The following NCOA3 variants were observed in gnomAD, a reference collection of about 807,000 sequenced individuals.
NCOA3 encodes CBP-interacting protein.
Under a neutral mutation model 158.8 loss-of-function variants are expected in NCOA3, and 51 were observed. That is an observed-to-expected ratio of 0.32 (90% CI 0.26 to 0.41). The LOEUF (loss-of-function observed/expected upper bound fraction) is 0.41, where lower values mean the gene tolerates loss of function less well. Ranked by LOEUF, NCOA3 falls within the 10% of genes least tolerant of loss-of-function variation. The probability of loss-of-function intolerance (pLI) is 1.00; values close to 1 mark genes in which losing one functional copy is unlikely to be tolerated. For missense variants in NCOA3, 1,510 were observed against 1,746.6 expected, an observed-to-expected ratio of 0.86 and a Z score of 2.41; for synonymous variants, 537 against 592.4, an observed-to-expected ratio of 0.91 and a Z score of 1.36.
At chr20:47,561,519 A>G (rs746045288) in intron 1 of NCOA3, among the ~76,000 whole-genome samples, 17 of 149,124 alleles carry the variant, frequency 1.1e-4, no homozygotes, top group Non-Finnish European at 2.4e-4. Context: ...GGATCTTGCT[A>G]TGTTGCCTGG....
At chr20:47,584,402 C>T (rs558186992) in intron 2 of NCOA3, among the ~76,000 whole-genome samples, 1 of 151,980 alleles carries the variant, frequency 6.6e-6, no homozygotes, top group Non-Finnish European at 1.5e-5. Flanking sequence ...GGTGGATCAC[C>T]TGAGGTTAGG....
At chr20:47,514,443 A>G (rs2084198224) in intron 1 of NCOA3, among the ~76,000 whole-genome samples, 1 of 152,092 alleles carries the variant, frequency 6.6e-6, no homozygotes, top group Non-Finnish European at 1.5e-5. Flanking sequence ...GCTGCAGTGC[A>G]GTGGTACAAT....
intron 8 of NCOA3, among the ~76,000 whole-genome samples, chr20:47,632,323 T>A (rs546124140): frequency 1.1e-3 from 169 of 152,090 alleles, no homozygotes; most frequent in Non-Finnish European, 1.8e-3. Context: ...GCTTATAGCC[T>A]TCCCAGCACC....
intron 2 of NCOA3, among the ~76,000 whole-genome samples, chr20:47,621,942 G>T (rs2086247967): frequency 1.3e-5 from 2 of 152,094 alleles, no homozygotes. Context: ...CTCCCAAAGT[G>T]CTGGGACTAC....
intron 1 of NCOA3, among the ~76,000 whole-genome samples, chr20:47,518,420 G>GTT (rs35593021): frequency 0.26 from 34,453 of 132,684 alleles, 5,041 homozygotes; most frequent in African/African-American, 0.37. Context: ...TTCTTTTTCT[G>GTT]TTTTTTTTTT....
At chr20:47,566,473 T>C (rs1213204294) in intron 1 of NCOA3, among the ~76,000 whole-genome samples, 4 of 152,016 alleles carry the variant, frequency 2.6e-5, no homozygotes, top group African/African-American at 9.7e-5. Context: ...AGACCTGAAA[T>C]TACTTTCTTC....
chr20:47,610,521 G>A (rs765827615), intron 2 of NCOA3, among the ~76,000 whole-genome samples: 2 of 152,036 alleles, frequency 1.3e-5, no homozygotes, highest in Non-Finnish European at 2.9e-5. Flanking sequence ...AAACTGGCCC[G>A]GAAACATTTT....
At chr20:47,589,314 A>T (rs779764275) in intron 2 of NCOA3, among the ~76,000 whole-genome samples, 1 of 152,090 alleles carries the variant, frequency 6.6e-6, no homozygotes, top group Non-Finnish European at 1.5e-5. Context: ...ATATTTGCCA[A>T]AGTCTCTTTC....
At chr20:47,509,793 CA>C (rs2084088061) in intron 1 of NCOA3, among the ~76,000 whole-genome samples, 1 of 152,176 alleles carries the variant, frequency 6.6e-6, no homozygotes, top group Non-Finnish European at 1.5e-5. Context: ...AAGAGTTACT[CA>C]GTACTGTTTA....
At chr20:47,533,073 C>T (rs1459755492) in intron 1 of NCOA3, among the ~76,000 whole-genome samples, 14 of 135,074 alleles carry the variant, frequency 1.0e-4, no homozygotes, top group Non-Finnish European at 1.8e-4. Context: ...CCATTGCACT[C>T]CAGCTTGGGC....
At chr20:47,616,694 C>A (rs1236087079) in intron 2 of NCOA3, among the ~76,000 whole-genome samples, 1 of 152,144 alleles carries the variant, frequency 6.6e-6, no homozygotes, top group Non-Finnish European at 1.5e-5. Flanking sequence ...GTTCTTCCTT[C>A]CAGTTCTTTT....
chr20:47,649,724 T>C (rs1296688052), intron 19 of NCOA3, among the ~76,000 whole-genome samples: 1 of 152,218 alleles, frequency 6.6e-6, no homozygotes, highest in Non-Finnish European at 1.5e-5. Context: ...TCGATTTTTA[T>C]TGTCTTATGC....
Position 47,573,912 on chromosome 20 carries a change from T to C in NCOA3, c.-98-9271T>C, listed in dbSNP as rs189856716. On this transcript the variant is annotated intron_variant, in intron 1 of 22. Transcript: ENST00000371998. ...TAAGAAGTCCTTTGCACATACAGAA[T>C]GCTCCGTGGCCATTAAATAACAACC... Among the ~76,000 whole-genome samples, 91 of 152,302 alleles carry C rather than the reference T, an allele frequency of 6.0e-4. 1 individual carries two copies. The highest frequency in any genetic ancestry group is 2.9e-5 in the Non-Finnish European group (2 of 68,038).
intron 1 of NCOA3, among the ~76,000 whole-genome samples, chr20:47,521,326 A>G (rs2084329382): frequency 6.6e-6 from 1 of 152,098 alleles, no homozygotes; most frequent in African/African-American, 2.4e-5. Context: ...CAAAAGAAAT[A>G]GCACTCGAAT....
chr20:47,567,244 C>T (rs1449374340), intron 1 of NCOA3, among the ~76,000 whole-genome samples: 6 of 152,066 alleles, frequency 3.9e-5, no homozygotes, highest in African/African-American at 9.6e-5. Context: ...GATGGAGTTT[C>T]GCCATGTTGG....
rs1420583096 is a variant in NCOA3 at position 47,567,031 on chromosome 20, TG to T, written c.-98-16151del. ...ATAGTACTATGTATGTATGTATGTA[TG>T]TATGTATGTATGTATGTATGTATGT... On this transcript the variant is annotated intron_variant, in intron 1 of 22. Coordinates refer to ENST00000371998, the MANE Select transcript of NCOA3 (RefSeq NM_181659.3). 5.3e-5 allele frequency among the ~76,000 whole-genome samples: 8 copies of T among 151,602 alleles called. No individual in the cohort carries two copies. The East Asian group carries it at 5.8e-4, about 11-fold the overall frequency.
chr20:47,624,362 A>C (rs1345373881), intron 4 of NCOA3, among the ~76,000 whole-genome samples: 4 of 152,314 alleles, frequency 2.6e-5, no homozygotes, highest in Middle Eastern at 6.8e-3. Flanking sequence ...GTAATGGGAG[A>C]AACTGTGACA....
At chr20:47,632,481 G>A (rs1234904202) in intron 8 of NCOA3, among the ~76,000 whole-genome samples, 6 of 150,472 alleles carry the variant, frequency 4.0e-5, no homozygotes, top group African/African-American at 1.5e-4. Context: ...TCTGCCTCCC[G>A]GGTTCAAGCA....
chr20:47,601,145 TG>T (rs2085855747), intron 2 of NCOA3, among the ~76,000 whole-genome samples: 1 of 152,194 alleles, frequency 6.6e-6, no homozygotes, highest in Non-Finnish European at 1.5e-5. Flanking sequence ...CCTTGTGCCA[TG>T]TCGTAACACC....
Sources: gnomAD v4.1 joint callset for allele counts (sites outside exome capture counted in the v4.1 genomes callset) on GRCh38, gnomAD v4.1.1 for gene constraint, MANE v1.5 for transcripts, NCBI Gene and HGNC (gene_info 2026-07-23, HGNC 2026-07-21) for gene names.